B9D1: variants seen among roughly 807,000 people sequenced by gnomAD.
B9D1 encodes B9 domain containing 1.
In B9D1, 20 loss-of-function variants were observed where a neutral mutation model predicts 26.1. The ratio of observed to expected loss-of-function variants is 0.77; its 90% confidence interval spans 0.54 to 1.12. The LOEUF is 1.12. B9D1 is among the 50% of genes most tolerant of loss of function. The probability of loss-of-function intolerance (pLI) is 0.00; values close to 1 mark genes in which losing one functional copy is unlikely to be tolerated. For missense variants in B9D1, 260 were observed against 273.7 expected, an observed-to-expected ratio of 0.95 and a Z score of 0.35; for synonymous variants, 105 against 103.1, an observed-to-expected ratio of 1.02 and a Z score of -0.11.
At chr17:19,342,246 A>G (rs1908049929), downstream of B9D1, among the ~76,000 whole-genome samples, 1 of 152,166 alleles carries the variant, frequency 6.6e-6, no homozygotes, top group Non-Finnish European at 1.5e-5. Flanking sequence ...GAATCACAGG[A>G]ATTTTGCTGA....
chr17:19,358,037 G>C, intron 2 of B9D1, 86 bp from the exon 3 acceptor site: 1 of 990,158 alleles, frequency 1.0e-6, no homozygotes, highest in Non-Finnish European at 1.6e-6. Flanking sequence ...AGGCAGTTGG[G>C]AGGGCTGTTT....
rs78768780 is a variant in B9D1 at position 19,355,900 on chromosome 17, T to C, written c.244+1940A>G. ...CAGTCTGTTTTATCTCTTTTGATCA[T>C]AGTAAAAATATATCTGACAATTTCA... On this transcript the variant is annotated intron_variant, in intron 3 of 6. Coordinates refer to ENST00000261499, the MANE Select transcript of B9D1 (RefSeq NM_015681.6). 2.8e-4 allele frequency among the ~76,000 whole-genome samples: 43 copies of C among 152,340 alleles called. 1 individual carries two copies. In the East Asian group the frequency reaches 6.9e-3, roughly 25 times the overall value.
chr17:19,360,373 C>A lies in B9D1; in HGVS notation c.79G>T (p.Asp27Tyr). The A allele has an allele frequency of 6.2e-7, 1 of 1,613,858 alleles. No homozygotes were observed. The highest frequency in any genetic ancestry group is 1.1e-5 in the South Asian group (1 of 91,042). The change falls in exon 2 of 7, where the codon GAC becomes TAC. Residue 27 changes from aspartate to tyrosine, a missense_variant. Transcript: ENST00000261499. ...VESAQFPEYD[D>Y]LYCKYCFVYG... is the part of the protein sequence containing the mutation. ...ACAAAGCAGTACTTGCAGTAGAGGT[C>A]ATCATACTCTGGAAACTGAAAAAAG...
intron 5 of B9D1, chr17:19,344,569 A>G (rs1248636670): frequency 4.2e-6 from 1 of 237,352 alleles, no homozygotes; most frequent in Non-Finnish European, 8.9e-6. Flanking sequence ...GGGTGGGTCC[A>G]GCAGCCGCGG....
At chr17:19,362,795 C>G, upstream of B9D1, 1 of 1,365,232 alleles carries the variant, frequency 7.3e-7, no homozygotes, top group Non-Finnish European at 1.0e-6. Context: ...CGAGGCTCCA[C>G]CCCTCCTTAG....
chr17:19,357,021 A>G (rs923556671), intron 3 of B9D1, among the ~76,000 whole-genome samples: 19 of 152,244 alleles, frequency 1.2e-4, no homozygotes, highest in Middle Eastern at 6.3e-3. Flanking sequence ...TGGTAAGCCT[A>G]GGCCCAGGCC....
chr17:19,346,386 G>T (rs1908786277), intron 5 of B9D1, among the ~76,000 whole-genome samples: 1 of 152,236 alleles, frequency 6.6e-6, no homozygotes. Context: ...ACCCAGCAGG[G>T]CTCTGGCCTG....
intron 3 of B9D1, chr17:19,357,567 C>G: frequency 2.1e-6 from 1 of 487,264 alleles, no homozygotes; most frequent in Non-Finnish European, 3.8e-6. Flanking sequence ...GGGTGGGGAG[C>G]CTGCCTTTTA....
intron 1 of B9D1, among the ~76,000 whole-genome samples, chr17:19,361,057 C>T (rs1434630939): frequency 6.6e-6 from 1 of 152,088 alleles, no homozygotes; most frequent in Non-Finnish European, 1.5e-5. Context: ...ACGAACCCTA[C>T]TGTGAACTGC....
At chr17:19,362,461 G>T in intron 1 of B9D1, 46 bp downstream of exon 1, 1 of 1,466,142 alleles carries the variant, frequency 6.8e-7, no homozygotes, top group Non-Finnish European at 9.2e-7. Context: ...GAAGGGCCCC[G>T]GGGGACGCTG....
chr17:19,365,846 CTTT>C (rs202162223), upstream of B9D1, among the ~76,000 whole-genome samples: 1 of 144,404 alleles, frequency 6.9e-6, no homozygotes, highest in Non-Finnish European at 1.5e-5. The surrounding 1 kb of genome is among the most constrained non-coding windows in gnomAD (Gnocchi z 5.0). Context: ...TGTAGCTATT[CTTT>C]TTTTTTTTTT....
Position 19,347,143 on chromosome 17 carries a change from T to A in B9D1, c.404+126A>T. On this transcript the variant is annotated intron_variant, in intron 5 of 6. Coordinates refer to ENST00000261499, the MANE Select transcript of B9D1 (RefSeq NM_015681.6). This position sits in a 1 kb window ranked among gnomAD's most constrained non-coding sequence, Gnocchi z 4.3. ...GCACTCCCAGGGGACCTGTTTCTAT[T>A]TGTCCTCAGTGGGTGGAGCAGCTTG... is the stretch of plus-strand genomic sequence containing the variant. 1.2e-6 allele frequency: 2 copies of A among 1,606,570 alleles called. No individual in the cohort carries two copies. The highest frequency in any genetic ancestry group is 1.7e-6 in the Non-Finnish European group (2 of 1,176,174).
intron 3 of B9D1, among the ~76,000 whole-genome samples, chr17:19,350,111 CAA>C (rs891254068): frequency 2.9e-5 from 4 of 138,618 alleles, no homozygotes. Context: ...AATTCTGTCT[CAA>C]AAAAAAAAAA....
rs771218470 is a variant in B9D1, at chr17:19,343,294, A to G, written c.*25T>C. 6.2e-7 allele frequency: 1 copy of G among 1,614,024 alleles called. No homozygotes were observed. Among genetic ancestry groups the G allele is most frequent in the Non-Finnish European group, 8.5e-7 (1 of 1,180,010 alleles). On this transcript the variant is annotated 3_prime_UTR_variant, in exon 7 of 7. Transcript: ENST00000261499. Reference sequence around the variant, plus strand: ...TTCGGGAAGGCAGCCCTTCATTATCAGAGACTGTGCAGCCTGTGGAGCCTT... The same window carrying G: ...TTCGGGAAGGCAGCCCTTCATTATCGGAGACTGTGCAGCCTGTGGAGCCTT...
At chr17:19,350,941 C>T (rs1008167573) in intron 3 of B9D1, among the ~76,000 whole-genome samples, 2 of 151,564 alleles carry the variant, frequency 1.3e-5, no homozygotes, top group Admixed American at 6.6e-5. Flanking sequence ...CAGTTTCAAG[C>T]GATTCTCCTG....
chr17:19,351,940 C>T lies in B9D1; in HGVS notation c.245-4060G>A, dbSNP rs118072148. Among the ~76,000 whole-genome samples the T allele has an allele frequency of 6.5e-3, 990 of 152,158 alleles. 54 individuals carry two copies. The East Asian group carries it at 0.12, about 18-fold the overall frequency. ...TAGCGCTGGCACCCAGGCTGGAGTGCAGTAGCATGATCATAGCTCACTACA... is the reference window on the plus strand; with the variant it reads ...TAGCGCTGGCACCCAGGCTGGAGTGTAGTAGCATGATCATAGCTCACTACA... On this transcript the variant is annotated intron_variant, in intron 3 of 6. Transcript: ENST00000261499.
chr17:19,375,634 C>A (rs62065895), intron 1 of B9D1, among the ~76,000 whole-genome samples: 1 of 151,966 alleles, frequency 6.6e-6, no homozygotes, highest in Non-Finnish European at 1.5e-5. Context: ...CCCAACTACT[C>A]GGGAAGCTGA....
chr17:19,344,507 C>A, intron 5 of B9D1: 1 of 281,180 alleles, frequency 3.6e-6, no homozygotes, highest in Non-Finnish European at 7.4e-6. Context: ...TCAGGCCCCG[C>A]CGCCGACACA....
Position 19,359,640 on chromosome 17 carries a change from C to A in B9D1, c.132+680G>T, listed in dbSNP as rs115283597. ...ATGCACTCCTTATTATCTGACCCCC[C>A]AGCAAGAACGTGCGCTCCGGGAAGG... On this transcript the variant is annotated intron_variant, in intron 2 of 6. Coordinates refer to ENST00000261499, the MANE Select transcript of B9D1 (RefSeq NM_015681.6). This position sits in a 1 kb window ranked among gnomAD's most constrained non-coding sequence, Gnocchi z 5.0. 3.9e-3 allele frequency among the ~76,000 whole-genome samples: 591 copies of A among 152,314 alleles called. 5 individuals are homozygous for A. Among genetic ancestry groups the A allele is most frequent in the African/African-American group, 0.013 (524 of 41,566 alleles).
Sources: gnomAD v4.1 joint callset for allele counts (sites outside exome capture counted in the v4.1 genomes callset) on GRCh38, gnomAD v4.1.1 for gene constraint, Gnocchi (gnomAD v3.1) non-coding constraint, MANE v1.5 for transcripts, NCBI Gene and HGNC (gene_info 2026-07-23, HGNC 2026-07-21) for gene names.